SNTG2: variants seen among roughly 807,000 people sequenced by gnomAD.
SNTG2 encodes the protein gamma-2-syntrophin.
In SNTG2, 74 loss-of-function variants were observed where a neutral mutation model predicts 70.9. That is an observed-to-expected ratio of 1.04 (90% confidence interval 0.86 to 1.27). The LOEUF is 1.27. SNTG2 is among the 50% of genes most tolerant of loss of function. The pLI is 0.00. For synonymous variants in SNTG2, 278 were observed against 273.8 expected (o/e 1.02, Z -0.15); for missense variants, 717 against 690.7 (o/e 1.04, Z -0.43).
intron 16 of SNTG2, among the ~76,000 whole-genome samples, chr2:1,331,676 G>A (rs1346245566): frequency 6.6e-6 from 1 of 152,198 alleles, no homozygotes. Flanking sequence ...CATTGCACTT[G>A]CAGGCTGTCA....
intron 11 of SNTG2, among the ~76,000 whole-genome samples, chr2:1,241,868 G>A (rs1677075027): frequency 6.6e-6 from 1 of 152,130 alleles, no homozygotes; most frequent in South Asian, 2.1e-4. Flanking sequence ...AAAGCAAAAA[G>A]CCAAAGGCAA....
chr2:1,221,320 C>G (rs958378680), intron 9 of SNTG2, among the ~76,000 whole-genome samples: 30 of 136,378 alleles, frequency 2.2e-4, no homozygotes, highest in Admixed American at 1.9e-3. Context: ...TCTGTCTCTC[C>G]CTGTCTCTGT....
intron 6 of SNTG2, among the ~76,000 whole-genome samples, chr2:1,152,394 T>G (rs1669558169): frequency 6.6e-6 from 1 of 152,240 alleles, no homozygotes. Flanking sequence ...GCCGTGTGCA[T>G]GCTGGTGTGC....
chr2:1,094,038 A>G lies in SNTG2; in HGVS notation c.211-4158A>G, dbSNP rs28576029. 3.8e-4 allele frequency among the ~76,000 whole-genome samples: 28 copies of G among 72,832 alleles called. No homozygotes were observed. The South Asian group carries it at 3.9e-3, about 10-fold the overall frequency. The allele number at this position is 72,832 out of a possible 152,430, so 47.8% of individuals were successfully genotyped here. On this transcript the variant is annotated intron_variant, in intron 2 of 16. Transcript: ENST00000308624. ...TATGGTAGAGTTACTGGCAAGGGCC[A>G]GCTTCCTGGCTTGCAGGCGAAGGCC...
At chr2:1,118,174 G>A (rs958754660) in intron 4 of SNTG2, among the ~76,000 whole-genome samples, 1 of 151,838 alleles carries the variant, frequency 6.6e-6, no homozygotes, top group African/African-American at 2.4e-5. Context: ...GTCACCCCAG[G>A]GCCCTGGTTC....
At position 1,272,463 on chromosome 2, in the gene SNTG2, TAAAAAA is replaced by T. The variant is rs577563977; in HGVS notation, c.1284+4909_1284+4914del. Among the ~76,000 whole-genome samples the T allele has an allele frequency of 2.5e-4, 13 of 51,882 alleles. 2 individuals carry two copies. The highest frequency in any genetic ancestry group is 6.6e-4 in the African/African-American group (7 of 10,664). The allele number at this position is 51,882 out of a possible 152,430, so 34.0% of individuals were successfully genotyped here. A position where few individuals can be genotyped will look rare whatever the true frequency, so the allele number is the denominator to read the frequency against. On this transcript the variant is annotated intron_variant, in intron 14 of 16. Transcript: ENST00000308624. ...CTAACAGGCCACAGACTGGTACTGG[TAAAAAA>T]AAAAAAAAAAAAAAAAGGATTCTGT...
At chr2:1,332,800 A>G (rs548055171) in intron 16 of SNTG2, among the ~76,000 whole-genome samples, 1 of 152,186 alleles carries the variant, frequency 6.6e-6, no homozygotes, top group Non-Finnish European at 1.5e-5. Context: ...TAGAAAGGAC[A>G]TGACTTTAGG....
intron 1 of SNTG2, among the ~76,000 whole-genome samples, chr2:1,082,693 G>C (rs1401925026): frequency 6.6e-6 from 1 of 152,224 alleles, no homozygotes; most frequent in Non-Finnish European, 1.5e-5. Context: ...ACAAGGCACT[G>C]GGCATGTGGC....
intron 1 of SNTG2, among the ~76,000 whole-genome samples, chr2:956,980 T>C (rs1660183646): frequency 6.6e-6 from 1 of 152,252 alleles, no homozygotes; most frequent in Non-Finnish European, 1.5e-5. Flanking sequence ...AGCTGTATCC[T>C]GCTCAAGATT....
At chr2:1,114,392 C>G (rs112427614) in intron 4 of SNTG2, among the ~76,000 whole-genome samples, 1,921 of 144,034 alleles carry the variant, frequency 0.013, 33 homozygotes, top group African/African-American at 0.044. Context: ...AAACCTTACA[C>G]TCCTTTGAGG....
At chr2:1,261,054 C>T (rs1363369449) in intron 13 of SNTG2, among the ~76,000 whole-genome samples, 1 of 148,146 alleles carries the variant, frequency 6.8e-6, no homozygotes, top group Non-Finnish European at 1.5e-5. Context: ...TGAAATTAGC[C>T]AGTAGAATGG....
chr2:1,357,145 T>C (rs2148314142), intron 16 of SNTG2, among the ~76,000 whole-genome samples: 1 of 152,272 alleles, frequency 6.6e-6, no homozygotes, highest in East Asian at 1.9e-4. Context: ...AATTTGAATG[T>C]CCTTTATTTC....
chr2:1,348,778 A>G (rs1660431077), intron 16 of SNTG2, among the ~76,000 whole-genome samples: 1 of 152,210 alleles, frequency 6.6e-6, no homozygotes, highest in Admixed American at 6.5e-5. Context: ...ATTTCTTCAA[A>G]TATTTTACAG....
intron 4 of SNTG2, among the ~76,000 whole-genome samples, chr2:1,114,332 T>C (rs1666769571): frequency 2.0e-5 from 3 of 150,656 alleles, no homozygotes; most frequent in African/African-American, 7.4e-5. Flanking sequence ...CTAACTGAGG[T>C]TCAACACTTA....
In SNTG2 at chr2:961,211, A is replaced by AT. The variant is rs200937592; in HGVS notation, c.72+10150dup. Among the ~76,000 whole-genome samples the AT allele has an allele frequency of 2.1e-3, 321 of 151,494 alleles. 1 individual carries two copies. The highest frequency in any genetic ancestry group is 7.6e-3 in the African/African-American group (311 of 40,928). On this transcript the variant is annotated intron_variant, in intron 1 of 16. Coordinates refer to ENST00000308624, the MANE Select transcript of SNTG2 (RefSeq NM_018968.4). ...TGAAACTACTGTTAGATTTTATTTT[A>AT]TTTTTTTATTTTTGAGACGGTGTCT...
intron 1 of SNTG2, among the ~76,000 whole-genome samples, chr2:1,050,392 GT>G (rs1661988040): frequency 6.6e-6 from 1 of 152,044 alleles, no homozygotes; most frequent in South Asian, 2.1e-4. Flanking sequence ...AGGGTTCAAA[GT>G]TTGTTTCCTT....
chr2:1,072,437 C>T (rs1003018218), intron 1 of SNTG2, among the ~76,000 whole-genome samples: 1 of 144,162 alleles, frequency 6.9e-6, no homozygotes, highest in African/African-American at 2.6e-5. Context: ...TAAATAAAAC[C>T]ACAAAGACTG....
At chr2:1,058,171 T>C (rs1482577683) in intron 1 of SNTG2, among the ~76,000 whole-genome samples, 8 of 152,200 alleles carry the variant, frequency 5.3e-5, no homozygotes, top group African/African-American at 1.7e-4. Context: ...TGTCAAAAAT[T>C]AGTATTTTTC....
At chr2:1,119,948 A>G (rs1667278553) in intron 4 of SNTG2, among the ~76,000 whole-genome samples, 1 of 152,158 alleles carries the variant, frequency 6.6e-6, no homozygotes. Flanking sequence ...TTCTTTATCT[A>G]TCAATGATCA....
Sources: allele counts gnomAD v4.1 joint callset (sites outside exome capture counted in the v4.1 genomes callset), GRCh38; gene constraint gnomAD v4.1.1; transcripts MANE v1.5; gene names NCBI Gene and HGNC (gene_info 2026-07-23, HGNC 2026-07-21).